The following INPP4B variants were observed in gnomAD, a reference collection of about 807,000 sequenced individuals.
The protein encoded by INPP4B is inositol polyphosphate-4-phosphatase type II B.
INPP4B carries 55 observed loss-of-function variants against 122.5 expected under a neutral mutation model. That is an observed-to-expected ratio of 0.45 (90% CI 0.36 to 0.56). INPP4B has a LOEUF of 0.56. Among genes scored for constraint, INPP4B ranks in the 20% least tolerant of loss-of-function variants. The pLI is 0.00. For synonymous variants in INPP4B, 403 were observed against 388.7 expected (o/e 1.04, Z -0.43); for missense variants, 1,000 against 1,097.7 (o/e 0.91, Z 1.26).
chr4:142,548,465 G>A (rs1014322875), intron 2 of INPP4B, among the ~76,000 whole-genome samples: 2 of 152,118 alleles, frequency 1.3e-5, no homozygotes, highest in Non-Finnish European at 2.9e-5. Flanking sequence ...TAGCTAATTC[G>A]AGTGCTCTTG....
At chr4:142,437,970 C>T (rs1375258111) in intron 3 of INPP4B, among the ~76,000 whole-genome samples, 1 of 152,138 alleles carries the variant, frequency 6.6e-6, no homozygotes, top group Non-Finnish European at 1.5e-5. Flanking sequence ...GGTACCATTC[C>T]TTCTCAAGCT....
intron 2 of INPP4B, among the ~76,000 whole-genome samples, chr4:142,633,761 A>C (rs1278136363): frequency 1.3e-5 from 2 of 152,208 alleles, no homozygotes; most frequent in African/African-American, 4.8e-5. Flanking sequence ...GTAAAATGAC[A>C]CAAAATTGAT....
At chr4:142,480,222 T>C (rs572826636) in intron 2 of INPP4B, among the ~76,000 whole-genome samples, 5 of 152,346 alleles carry the variant, frequency 3.3e-5, no homozygotes, top group African/African-American at 1.2e-4. Flanking sequence ...TTTGTATATG[T>C]TATGGTAAAT....
chr4:142,323,484 C>G (rs1486729281), intron 7 of INPP4B, among the ~76,000 whole-genome samples: 1 of 133,134 alleles, frequency 7.5e-6, no homozygotes, highest in Non-Finnish European at 1.5e-5. Flanking sequence ...CTCACTCTGT[C>G]GCCCAGGCTG....
At position 142,675,740 on chromosome 4, in the gene INPP4B, C is replaced by CA. The variant is rs554768362; in HGVS notation, c.-191+50098dup. ...TCCATCACATAAACAGAACCAATGA[C>CA]AAAAATCACATGATTATCTTAATAG... is the stretch of plus-strand genomic sequence containing the variant. On this transcript the variant is annotated intron_variant, in intron 2 of 25. Transcript: ENST00000262992. Among the ~76,000 whole-genome samples, 9 of 152,176 alleles carry CA rather than the reference C, an allele frequency of 5.9e-5. No individual in the cohort carries two copies. The South Asian group carries it at 1.9e-3, about 32-fold the overall frequency.
chr4:142,257,068 T>C (rs1310140991), intron 11 of INPP4B, among the ~76,000 whole-genome samples: 1 of 152,156 alleles, frequency 6.6e-6, no homozygotes. Flanking sequence ...AATCAATAAA[T>C]GTAATCCAGC....
intron 9 of INPP4B, among the ~76,000 whole-genome samples, chr4:142,299,503 A>T (rs1023709351): frequency 2.0e-5 from 3 of 150,588 alleles, no homozygotes; most frequent in Admixed American, 6.6e-5. Context: ...CATTGCTTTT[A>T]GGTCTTATGA....
At chr4:142,238,270 A>T (rs945900230) in intron 11 of INPP4B, among the ~76,000 whole-genome samples, 2 of 151,824 alleles carry the variant, frequency 1.3e-5, no homozygotes, top group African/African-American at 4.8e-5. Context: ...TTGTTAAATT[A>T]AAAAAAATTA....
At chr4:142,515,996 G>T (rs1485566409) in intron 2 of INPP4B, among the ~76,000 whole-genome samples, 1 of 152,082 alleles carries the variant, frequency 6.6e-6, no homozygotes, top group Non-Finnish European at 1.5e-5. Flanking sequence ...CTCCTGAAGG[G>T]ATTCATTTAT....
At chr4:142,508,494 C>T (rs879550354) in intron 2 of INPP4B, among the ~76,000 whole-genome samples, 1 of 152,100 alleles carries the variant, frequency 6.6e-6, no homozygotes, top group Non-Finnish European at 1.5e-5. Context: ...AGGCTGGTCT[C>T]GAACCCCTGA....
chr4:142,065,862 T>C (rs1393998603), intron 25 of INPP4B, among the ~76,000 whole-genome samples: 1 of 152,128 alleles, frequency 6.6e-6, no homozygotes, highest in East Asian at 1.9e-4. Flanking sequence ...GATGAAGAGA[T>C]GTGTGGGGTG....
intron 7 of INPP4B, among the ~76,000 whole-genome samples, chr4:142,338,133 C>T (rs1224713868): frequency 2.6e-5 from 4 of 152,092 alleles, no homozygotes. Context: ...TTACACAGAA[C>T]CCCTATACCT....
chr4:142,078,939 C>A (rs1772318431), intron 25 of INPP4B, among the ~76,000 whole-genome samples: 1 of 152,056 alleles, frequency 6.6e-6, no homozygotes, highest in Non-Finnish European at 1.5e-5. Context: ...AAATCAAATT[C>A]CTTTAAAACA....
At chr4:142,244,331 G>A (rs1244831525) in intron 11 of INPP4B, among the ~76,000 whole-genome samples, 1 of 103,950 alleles carries the variant, frequency 9.6e-6, no homozygotes, top group Non-Finnish European at 1.8e-5. Flanking sequence ...ACAGAGTCTT[G>A]CTCTCTTCCC....
chr4:142,581,519 TTCTA>T (rs1369393159), intron 2 of INPP4B, among the ~76,000 whole-genome samples: 2 of 138,852 alleles, frequency 1.4e-5, no homozygotes, highest in Non-Finnish European at 3.1e-5. Context: ...GAAGTTCCAT[TTCTA>T]TCTATTAGAA....
chr4:142,571,997 G>A (rs760340479), intron 2 of INPP4B, among the ~76,000 whole-genome samples: 67 of 152,004 alleles, frequency 4.4e-4, no homozygotes, highest in African/African-American at 1.4e-3. Context: ...TGAATATTTC[G>A]CCATTTTTTT....
At chr4:142,615,988 A>G (rs887938924) in intron 2 of INPP4B, among the ~76,000 whole-genome samples, 1 of 152,136 alleles carries the variant, frequency 6.6e-6, no homozygotes, top group Non-Finnish European at 1.5e-5. Context: ...AAGAGGGGCC[A>G]TATGTTTGAG....
chr4:142,527,404 T>G (rs1043395926), intron 2 of INPP4B, among the ~76,000 whole-genome samples: 1 of 152,114 alleles, frequency 6.6e-6, no homozygotes, highest in Non-Finnish European at 1.5e-5. Flanking sequence ...ATATATTTCT[T>G]GATAGTTAAT....
intron 9 of INPP4B, among the ~76,000 whole-genome samples, chr4:142,304,979 T>C (rs1167575513): frequency 6.6e-6 from 1 of 152,152 alleles, no homozygotes; most frequent in Admixed American, 6.6e-5. Context: ...CAAGAAAGAA[T>C]GTGTTTTAAC....
Sources: gnomAD v4.1 joint callset for allele counts (sites outside exome capture counted in the v4.1 genomes callset) on GRCh38, gnomAD v4.1.1 for gene constraint, MANE v1.5 for transcripts, NCBI Gene and HGNC (gene_info 2026-07-23, HGNC 2026-07-21) for gene names.